HIPK3: variants seen among roughly 807,000 people sequenced by gnomAD.
The protein encoded by HIPK3 is homeodomain-interacting protein kinase 3.
Under a neutral mutation model 124.2 loss-of-function variants are expected in HIPK3, and 47 were observed. That is an observed-to-expected ratio of 0.38 (90% confidence interval 0.30 to 0.48). HIPK3 has a LOEUF of 0.48. Among genes scored for constraint, HIPK3 ranks in the 20% least tolerant of loss-of-function variants. HIPK3 has a pLI of 0.98. For missense variants in HIPK3, 1,286 were observed against 1,454.3 expected, an observed-to-expected ratio of 0.88 and a Z score of 1.88; for synonymous variants, 482 against 515.2, an observed-to-expected ratio of 0.94 and a Z score of 0.87.
At chr11:33,352,292 G>A in intron 16 of HIPK3, 27 bp downstream of exon 16, 1 of 1,608,048 alleles carries the variant, frequency 6.2e-7, no homozygotes, top group East Asian at 2.2e-5. Context: ...ATATGTAGGA[G>A]TCTGTGGGAT....
At chr11:33,283,324 A>G (rs549864828) in intron 1 of HIPK3, among the ~76,000 whole-genome samples, 20 of 152,178 alleles carry the variant, frequency 1.3e-4, no homozygotes, top group Admixed American at 1.2e-3. Flanking sequence ...GTTAGCCAGG[A>G]TGGTCTGGAT....
chr11:33,325,838 T>G (rs1174204255), intron 2 of HIPK3, among the ~76,000 whole-genome samples: 2 of 152,240 alleles, frequency 1.3e-5, no homozygotes, highest in African/African-American at 4.8e-5. Context: ...TTTTTTATCT[T>G]TCTACAACAC....
In HIPK3 at chr11:33,341,016, T is replaced by G; in HGVS notation, c.1662T>G (p.Asn554Lys). The change falls in exon 7 of 17, where the codon AAT (asparagine) becomes AAG (lysine). Residue 554 changes from asparagine (N) to lysine (K), a missense_variant. Physicochemically the swap from Asn to Lys is moderately conservative, Grantham distance 94. Coordinates refer to ENST00000303296, the MANE Select transcript of HIPK3 (RefSeq NM_005734.5). ...HIMDICKSHL[N>K]SCDTNNHNKT... ...TGGATATTTGTAAGTCCCACCTAAA[T>G]TCATGTGACACAAATAATCACAACA... 1.9e-6 allele frequency: 3 copies of G among 1,608,504 alleles called. No individual in the cohort carries two copies. Among genetic ancestry groups the G allele is most frequent in the Non-Finnish European group, 2.6e-6 (3 of 1,175,338 alleles).
intron 2 of HIPK3, among the ~76,000 whole-genome samples, chr11:33,288,785 T>C (rs919723692): frequency 1.3e-5 from 2 of 152,238 alleles, no homozygotes; most frequent in African/African-American, 4.8e-5. Flanking sequence ...TATTTTCATA[T>C]AAGCCTGAGT....
At chr11:33,336,596 C>T (rs1308572022) in intron 3 of HIPK3, among the ~76,000 whole-genome samples, 2 of 152,190 alleles carry the variant, frequency 1.3e-5, no homozygotes, top group African/African-American at 2.4e-5. Flanking sequence ...ATTATTACCT[C>T]CTGGCATATA....
intron 2 of HIPK3, among the ~76,000 whole-genome samples, chr11:33,306,523 G>A (rs1442383509): frequency 6.6e-6 from 1 of 151,936 alleles, no homozygotes; most frequent in Non-Finnish European, 1.5e-5. Context: ...ATGTCTGATA[G>A]TCCTAAATAT....
chr11:33,340,893 A>T (rs1853312767), intron 6 of HIPK3, 75 bp from the exon 7 acceptor site: 1 of 862,772 alleles, frequency 1.2e-6, no homozygotes. Flanking sequence ...TAATTTTTTT[A>T]TTTTGTCAAT....
chr11:33,268,583 T>TC (rs1374262170), intron 1 of HIPK3, among the ~76,000 whole-genome samples: 5 of 97,134 alleles, frequency 5.1e-5, no homozygotes, highest in African/African-American at 2.0e-4. Flanking sequence ...AGAGTAAGAC[T>TC]CCGTCACCAA....
intron 2 of HIPK3, among the ~76,000 whole-genome samples, chr11:33,295,540 G>C (rs546377833): frequency 5.1e-4 from 78 of 152,340 alleles, no homozygotes; most frequent in African/African-American, 1.8e-3. Flanking sequence ...CGGAGTCAGC[G>C]CACCTGCGCA....
intron 1 of HIPK3, among the ~76,000 whole-genome samples, chr11:33,266,113 G>A (rs1425010049): frequency 2.7e-5 from 4 of 149,744 alleles, no homozygotes; most frequent in African/African-American, 4.9e-5. Context: ...ATATTTGAAC[G>A]TCCACTAAGT....
chr11:33,257,331 G>GGTGGCCGAGGCC, upstream of HIPK3: 1 of 984,178 alleles, frequency 1.0e-6, no homozygotes, highest in Non-Finnish European at 1.2e-6. Flanking sequence ...CTGCGGAGGC[G>GGTGGCCGAGGCC]GTGGCCGAGG....
chr11:33,354,117 G>A lies in HIPK3; in HGVS notation c.*549G>A, dbSNP rs1359950581. On this transcript the variant is annotated 3_prime_UTR_variant, in exon 17 of 17. Coordinates refer to ENST00000303296, the MANE Select transcript of HIPK3 (RefSeq NM_005734.5). ...GCATTGTAAACCGTTCCTACACATA[G>A]TGCCTTAAATATTTGAGGTTGTTAA... 6.5e-6 allele frequency: 1 copy of A among 154,684 alleles called. No homozygotes were observed. Among genetic ancestry groups the A allele is most frequent in the Non-Finnish European group, 1.4e-5 (1 of 69,472 alleles). The allele number at this position is 154,684 out of a possible 1,614,324, so 9.6% of individuals were successfully genotyped here.
chr11:33,334,794 A>C (rs1277402533), intron 3 of HIPK3, among the ~76,000 whole-genome samples: 18 of 152,232 alleles, frequency 1.2e-4, no homozygotes. Context: ...GTAATTTTAC[A>C]CAAGTGACTA....
intron 2 of HIPK3, among the ~76,000 whole-genome samples, chr11:33,325,467 A>G (rs2133963940): frequency 6.6e-6 from 1 of 152,314 alleles, no homozygotes; most frequent in South Asian, 2.1e-4. Context: ...GTATATGGTT[A>G]ACATTGGTAG....
chr11:33,283,272 G>A (rs559594184), intron 1 of HIPK3, among the ~76,000 whole-genome samples: 4 of 151,928 alleles, frequency 2.6e-5, no homozygotes, highest in South Asian at 2.1e-4. Flanking sequence ...CACCACTCCC[G>A]GCTAATTTTT....
At chr11:33,258,784 TAC>T (rs1850745599) in intron 1 of HIPK3, 2 of 941,482 alleles carry the variant, frequency 2.1e-6, no homozygotes, top group Admixed American at 6.2e-5. Context: ...TTGGACTTGT[TAC>T]AGAGTAGTCG....
chr11:33,305,108 C>T (rs1430530279), intron 2 of HIPK3, among the ~76,000 whole-genome samples: 6 of 152,218 alleles, frequency 3.9e-5, no homozygotes, highest in Non-Finnish European at 8.8e-5. Flanking sequence ...TCAGATGATT[C>T]TCCTGCTTCA....
At chr11:33,272,215 T>C (rs1297167868) in intron 1 of HIPK3, among the ~76,000 whole-genome samples, 1 of 152,068 alleles carries the variant, frequency 6.6e-6, no homozygotes, top group Non-Finnish European at 1.5e-5. Context: ...CTGGCCAACA[T>C]GGTGAAACCC....
At chr11:33,292,011 A>G (rs1341912267) in intron 2 of HIPK3, among the ~76,000 whole-genome samples, 4 of 152,218 alleles carry the variant, frequency 2.6e-5, no homozygotes, top group African/African-American at 9.6e-5. Context: ...CAGAAGTATC[A>G]AAGTTTCTGT....
Sources: allele counts gnomAD v4.1 joint callset (sites outside exome capture counted in the v4.1 genomes callset), GRCh38; gene constraint gnomAD v4.1.1; transcripts MANE v1.5; gene names NCBI Gene and HGNC (gene_info 2026-07-23, HGNC 2026-07-21).